The following LCLAT1 variants were observed in gnomAD, a reference collection of about 807,000 sequenced individuals.
The protein encoded by LCLAT1 is lysocardiolipin acyltransferase 1.
LCLAT1 carries 11 observed loss-of-function variants against 30.7 expected under a neutral mutation model. The ratio of observed to expected loss-of-function variants is 0.36; its 90% CI spans 0.23 to 0.59. LCLAT1 has a LOEUF of 0.59. LCLAT1 is among the 20% of genes least tolerant of loss of function. The pLI is 0.77. For synonymous variants in LCLAT1, 155 were observed against 151.3 expected (o/e 1.02, Z -0.18); for missense variants, 402 against 458.6 (o/e 0.88, Z 1.13).
intron 3 of LCLAT1, among the ~76,000 whole-genome samples, chr2:30,539,244 A>G (rs1572595033): frequency 3.3e-5 from 4 of 119,412 alleles, no homozygotes; most frequent in South Asian, 2.8e-4. Context: ...CCACCGCGCC[A>G]GGCCTTTTTT....
At chr2:30,533,823 C>T (rs1686098578) in intron 3 of LCLAT1, among the ~76,000 whole-genome samples, 1 of 151,902 alleles carries the variant, frequency 6.6e-6, no homozygotes, top group Non-Finnish European at 1.5e-5. Flanking sequence ...TATTAAAGTT[C>T]CTGGAAATGT....
At chr2:30,575,458 G>A (rs1250156513) in intron 5 of LCLAT1, among the ~76,000 whole-genome samples, 1 of 152,106 alleles carries the variant, frequency 6.6e-6, no homozygotes, top group African/African-American at 2.4e-5. Context: ...CATCTGATTA[G>A]CAATTCTTCC....
At position 30,514,441 on chromosome 2, in the gene LCLAT1, A is replaced by G. The variant is rs185488830; in HGVS notation, c.-4-11146A>G. Among the ~76,000 whole-genome samples, 22 of 152,318 alleles carry G rather than the reference A, an allele frequency of 1.4e-4. 1 individual carries two copies. The East Asian group carries it at 4.0e-3, about 28-fold the overall frequency. ...GTTTGTTTTTTGACATCAGCCTTGC[A>G]GTGTTCACAATTCAGTTTTGAGTTT... On this transcript the variant is annotated intron_variant, in intron 1 of 5. Coordinates refer to ENST00000379509, the MANE Select transcript of LCLAT1 (RefSeq NM_001002257.3).
intron 1 of LCLAT1, among the ~76,000 whole-genome samples, chr2:30,462,064 G>A (rs1017121540): frequency 1.8e-4 from 28 of 152,084 alleles, no homozygotes; most frequent in South Asian, 4.1e-4. Flanking sequence ...GAGCCACCGC[G>A]CCCGGCCTAA....
In LCLAT1 at chr2:30,551,958, C is replaced by A. The variant is rs960358957; in HGVS notation, c.365-10188C>A. Among the ~76,000 whole-genome samples, 3 of 152,294 alleles carry A rather than the reference C, an allele frequency of 2.0e-5. No individual in the cohort carries two copies. In the East Asian group the frequency reaches 5.8e-4, roughly 29 times the overall value. ...TAGGCTAATCTCACTACCTTAAATT[C>A]GTCTGATTAGCAATCTTAATTCCCC... is the stretch of plus-strand genomic sequence containing the variant. On this transcript the variant is annotated intron_variant, in intron 3 of 5. Transcript: ENST00000379509.
intron 5 of LCLAT1, among the ~76,000 whole-genome samples, chr2:30,632,897 G>A (rs1668837150): frequency 1.3e-5 from 2 of 152,152 alleles, no homozygotes; most frequent in South Asian, 4.1e-4. Context: ...GTTCCTAGTA[G>A]GAAACAATAG....
rs139640436 is a variant in LCLAT1 at position 30,531,772 on chromosome 2, T to C, written c.166-1344T>C. ...AATATTATTTTGAACCTATGTTTTA[T>C]TGATCCTGTTATGTTTTTCAAAGTC... On this transcript the variant is annotated intron_variant, in intron 2 of 5. Coordinates refer to ENST00000379509, the MANE Select transcript of LCLAT1 (RefSeq NM_001002257.3). 4.3e-4 allele frequency among the ~76,000 whole-genome samples: 65 copies of C among 152,372 alleles called. No homozygotes were observed. The East Asian group carries it at 0.012, about 28-fold the overall frequency.
chr2:30,625,216 A>C (rs891359490), intron 5 of LCLAT1, among the ~76,000 whole-genome samples: 2 of 152,222 alleles, frequency 1.3e-5, no homozygotes, highest in African/African-American at 4.8e-5. Context: ...CAAACCCAGC[A>C]GAAGAAAAGA....
At chr2:30,520,381 T>C (rs986156293) in intron 1 of LCLAT1, among the ~76,000 whole-genome samples, 2 of 152,242 alleles carry the variant, frequency 1.3e-5, no homozygotes, top group Non-Finnish European at 2.9e-5. Flanking sequence ...CTTTATTTTA[T>C]AGGCTATTTA....
intron 1 of LCLAT1, among the ~76,000 whole-genome samples, chr2:30,480,581 A>C (rs998019097): frequency 6.6e-6 from 1 of 152,110 alleles, no homozygotes; most frequent in African/African-American, 2.4e-5. Flanking sequence ...TAAGCCCTCC[A>C]TCAAGTAGAA....
At chr2:30,514,874 A>G (rs998096985) in intron 1 of LCLAT1, among the ~76,000 whole-genome samples, 4 of 152,176 alleles carry the variant, frequency 2.6e-5, no homozygotes, top group African/African-American at 9.7e-5. Flanking sequence ...CACTTTTGAA[A>G]CGTTTATATA....
At chr2:30,492,587 A>C (rs905182227) in intron 1 of LCLAT1, among the ~76,000 whole-genome samples, 22 of 152,044 alleles carry the variant, frequency 1.4e-4, no homozygotes, top group Non-Finnish European at 2.2e-4. Context: ...AAAAAGAAAA[A>C]AAAAAAAAAC....
chr2:30,557,755 G>A (rs1401256681), intron 3 of LCLAT1, among the ~76,000 whole-genome samples: 2 of 152,126 alleles, frequency 1.3e-5, no homozygotes, highest in African/African-American at 4.8e-5. Flanking sequence ...AAGAGATTAT[G>A]ACTGGTAGAG....
chr2:30,518,791 C>A (rs1685322445), intron 1 of LCLAT1, among the ~76,000 whole-genome samples: 1 of 152,216 alleles, frequency 6.6e-6, no homozygotes, highest in African/African-American at 2.4e-5. Flanking sequence ...TTCTTGTTTG[C>A]CTTTGATGAT....
chr2:30,521,177 T>C (rs1181640935), intron 1 of LCLAT1, among the ~76,000 whole-genome samples: 5 of 152,314 alleles, frequency 3.3e-5, no homozygotes, highest in African/African-American at 1.2e-4. Flanking sequence ...CAGGGCAATG[T>C]CAAGAAGTTA....
chr2:30,606,154 GC>G, intron 5 of LCLAT1: 1 of 579,064 alleles, frequency 1.7e-6, no homozygotes, highest in Non-Finnish European at 2.7e-6. Flanking sequence ...CGTGAAATTG[GC>G]CATACTGCCC....
intron 3 of LCLAT1, among the ~76,000 whole-genome samples, chr2:30,550,111 G>C (rs1019619125): frequency 6.6e-6 from 1 of 152,174 alleles, no homozygotes; most frequent in Non-Finnish European, 1.5e-5. Flanking sequence ...GCCATTATTT[G>C]TGTATTTTTT....
chr2:30,472,120 T>C (rs964461319), intron 1 of LCLAT1, among the ~76,000 whole-genome samples: 1 of 152,224 alleles, frequency 6.6e-6, no homozygotes, highest in African/African-American at 2.4e-5. Flanking sequence ...TGCTAGTTTA[T>C]GGGACATAGT....
chr2:30,530,668 C>G (rs976293455), intron 2 of LCLAT1, among the ~76,000 whole-genome samples: 4 of 152,134 alleles, frequency 2.6e-5, no homozygotes, highest in Non-Finnish European at 5.9e-5. Flanking sequence ...GCCTCAGCCT[C>G]CTGCGTAGCT....
Sources: allele counts gnomAD v4.1 joint callset (sites outside exome capture counted in the v4.1 genomes callset), GRCh38; gene constraint gnomAD v4.1.1; transcripts MANE v1.5; gene names NCBI Gene and HGNC (gene_info 2026-07-23, HGNC 2026-07-21).